Variants in KCNMA1 observed in about 807,000 individuals in gnomAD.
The protein encoded by KCNMA1 is potassium calcium-activated channel subfamily M alpha 1, also known as Calcium-activated potassium channel subunit alpha-1.
In KCNMA1, 29 loss-of-function variants were observed where a neutral mutation model predicts 140.0. That is an observed-to-expected ratio of 0.21 (90% confidence interval 0.15 to 0.28). KCNMA1 has a LOEUF of 0.28. KCNMA1 is among the 10% of genes least tolerant of loss of function. KCNMA1 has a pLI of 1.00. For synonymous variants in KCNMA1, 612 were observed against 611.9 expected (o/e 1.00, Z 0.00); for missense variants, 880 against 1,602.2 (o/e 0.55, Z 7.70).
At chr10:77,242,928 A>ACACACT (rs1399383024) in intron 3 of KCNMA1, among the ~76,000 whole-genome samples, 2 of 151,742 alleles carry the variant, frequency 1.3e-5, no homozygotes, top group African/African-American at 4.8e-5. Flanking sequence ...ACACACACAC[A>ACACACT]CACACACACA....
intron 1 of KCNMA1, among the ~76,000 whole-genome samples, chr10:77,508,919 G>A (rs760571766): frequency 5.9e-5 from 9 of 151,998 alleles, no homozygotes; most frequent in Non-Finnish European, 1.0e-4. Flanking sequence ...GTCTTTTTGC[G>A]ACTGGCTTAT....
At chr10:76,918,627 C>A (rs2152480657) in intron 23 of KCNMA1, among the ~76,000 whole-genome samples, 1 of 152,256 alleles carries the variant, frequency 6.6e-6, no homozygotes, top group East Asian at 1.9e-4. Flanking sequence ...GAGAACACCT[C>A]TACACTGCTG....
chr10:77,014,417 G>A lies in KCNMA1; in HGVS notation c.2016-2374C>T, dbSNP rs868568921. 1.2e-3 allele frequency among the ~76,000 whole-genome samples: 170 copies of A among 144,032 alleles called. 1 individual carries two copies. Among genetic ancestry groups the A allele is most frequent in the Middle Eastern group, 0.012 (3 of 256 alleles). The allele number at this position is 144,032 out of a possible 152,430, so 94.5% of individuals were successfully genotyped here. A position where few individuals can be genotyped will look rare whatever the true frequency, so the allele number is the denominator to read the frequency against. On this transcript the variant is annotated intron_variant, in intron 17 of 27. Transcript: ENST00000286628. ...CTCCAGCCTGGGAGCCTGGGCAATA[G>A]AGCAAGACATTGTCTCAAAAAAAAA...
intron 16 of KCNMA1, among the ~76,000 whole-genome samples, chr10:77,025,242 G>GTATGTGTATATATA (rs1555136871): frequency 2.3e-5 from 1 of 42,742 alleles, no homozygotes; most frequent in African/African-American, 7.7e-5. Context: ...GGGTGTGTGT[G>GTATGTGTATATATA]TATATATATA....
At chr10:76,917,626 A>C (rs531118150) in intron 23 of KCNMA1, among the ~76,000 whole-genome samples, 1 of 152,098 alleles carries the variant, frequency 6.6e-6, no homozygotes, top group Middle Eastern at 3.2e-3. Flanking sequence ...GTCCAAAGAC[A>C]TCTCTCTGTT....
intron 1 of KCNMA1, among the ~76,000 whole-genome samples, chr10:77,554,088 C>T (rs964877949): frequency 6.6e-6 from 1 of 151,948 alleles, no homozygotes; most frequent in African/African-American, 2.4e-5. Flanking sequence ...CCTCACTGGG[C>T]GACACAAGCT....
At chr10:77,488,690 C>T (rs756060244) in intron 1 of KCNMA1, among the ~76,000 whole-genome samples, 37 of 152,190 alleles carry the variant, frequency 2.4e-4, no homozygotes, top group African/African-American at 4.8e-5. Flanking sequence ...CCAGGGGTGA[C>T]GAGGAGACAG....
chr10:77,084,365 T>C (rs887207896), intron 12 of KCNMA1, among the ~76,000 whole-genome samples: 1 of 152,234 alleles, frequency 6.6e-6, no homozygotes, highest in African/African-American at 2.4e-5. Flanking sequence ...TTCCTAGTTC[T>C]GTCTCAAGGA....
chr10:76,878,128 A>G (rs2032882338), intron 29 of KCNMA1, among the ~76,000 whole-genome samples: 1 of 152,166 alleles, frequency 6.6e-6, no homozygotes, highest in Admixed American at 6.5e-5. Flanking sequence ...CATAGGCACC[A>G]TGGGCGGACC....
rs116308709 is a variant in KCNMA1 at position 77,259,440 on chromosome 10, C to T, written c.541-8184G>A. Among the ~76,000 whole-genome samples the T allele has an allele frequency of 4.2e-3, 638 of 152,132 alleles. 4 individuals carry two copies. Among genetic ancestry groups the T allele is most frequent in the African/African-American group, 0.014 (593 of 41,494 alleles). On this transcript the variant is annotated intron_variant, in intron 2 of 27. Transcript: ENST00000286628. ...GAATTCTTAGGACACACATGTAAAT[C>T]GGAGAGAATCCCTCCTTAAATCACC...
intron 1 of KCNMA1, among the ~76,000 whole-genome samples, chr10:77,442,480 C>T (rs1458025631): frequency 2.6e-5 from 4 of 152,144 alleles, no homozygotes; most frequent in African/African-American, 4.8e-5. Context: ...TCAGATGAGC[C>T]TGGCTTGGCC....
At chr10:77,315,121 A>G (rs1435180250) in intron 2 of KCNMA1, among the ~76,000 whole-genome samples, 1 of 152,230 alleles carries the variant, frequency 6.6e-6, no homozygotes, top group Non-Finnish European at 1.5e-5. Flanking sequence ...ACTAGATAGT[A>G]CCTAATAATC....
At chr10:77,615,049 G>A (rs2088867748) in intron 1 of KCNMA1, among the ~76,000 whole-genome samples, 1 of 152,200 alleles carries the variant, frequency 6.6e-6, no homozygotes, top group Non-Finnish European at 1.5e-5. Flanking sequence ...CCCTGATAGA[G>A]AAAAGAGTCT....
chr10:76,966,049 G>A (rs2073816202), intron 20 of KCNMA1, among the ~76,000 whole-genome samples: 1 of 152,260 alleles, frequency 6.6e-6, no homozygotes, highest in Admixed American at 6.5e-5. Flanking sequence ...TTTGAAGGCA[G>A]GGATCTAATC....
intron 23 of KCNMA1, among the ~76,000 whole-genome samples, chr10:76,930,392 A>C (rs1291314983): frequency 6.6e-6 from 1 of 152,208 alleles, no homozygotes; most frequent in African/African-American, 2.4e-5. Flanking sequence ...CAATATCACT[A>C]ATCATCAGAA....
chr10:76,941,071 AAGAAAGAAAGAAAG>A lies in KCNMA1; in HGVS notation c.2902+3688_2902+3701del, dbSNP rs1468443405. ...AAAGAAAGAGAAAGAAAGAAAGAAAAAGAAAGAAAGAAAGAGAAAGAAAGAAAGAAGGGAGGGAG... is the reference window on the plus strand; with the variant it reads ...AAAGAAAGAGAAAGAAAGAAAGAAAAAGAAAGAAAGAAAGAAGGGAGGGAG... On this transcript the variant is annotated intron_variant, in intron 23 of 27. Transcript: ENST00000286628. Among the ~76,000 whole-genome samples the A allele has an allele frequency of 6.4e-3, 597 of 92,880 alleles. 29 individuals are homozygous for A. Among genetic ancestry groups the A allele is most frequent in the African/African-American group, 0.027 (541 of 20,128 alleles). The allele number at this position is 92,880 out of a possible 152,430, so 60.9% of individuals were successfully genotyped here.
At chr10:77,179,969 C>T (rs895023644) in intron 5 of KCNMA1, among the ~76,000 whole-genome samples, 7 of 152,174 alleles carry the variant, frequency 4.6e-5, no homozygotes, top group African/African-American at 1.7e-4. Context: ...CTATACAACA[C>T]GCAATCATAT....
At chr10:77,571,745 C>T (rs1429734356) in intron 1 of KCNMA1, among the ~76,000 whole-genome samples, 5 of 152,188 alleles carry the variant, frequency 3.3e-5, no homozygotes, top group Non-Finnish European at 7.3e-5. Context: ...GGCTTAAAGC[C>T]TGACACGCCC....
At chr10:77,197,319 G>A (rs1397062945) in intron 3 of KCNMA1, among the ~76,000 whole-genome samples, 2 of 152,182 alleles carry the variant, frequency 1.3e-5, no homozygotes, top group African/African-American at 4.8e-5. Context: ...AGACATGAAA[G>A]GGTATCATCA....
Sources: allele counts gnomAD v4.1 joint callset (sites outside exome capture counted in the v4.1 genomes callset), GRCh38; gene constraint gnomAD v4.1.1; transcripts MANE v1.5; gene names NCBI Gene and HGNC (gene_info 2026-07-23, HGNC 2026-07-21).